The following CCDC34 variants were observed in gnomAD, a reference collection of about 807,000 sequenced individuals.
The protein encoded by CCDC34 is coiled-coil domain containing 34.
CCDC34 carries 40 observed loss-of-function variants against 44.1 expected under a neutral mutation model. The observed-to-expected ratio is 0.91, with a 90% CI of 0.70 to 1.18. CCDC34 has a LOEUF of 1.18. Ranked by LOEUF, CCDC34 falls within the 50% of genes most tolerant of loss-of-function variation. CCDC34 has a pLI of 0.00. For synonymous variants in CCDC34, 159 were observed against 158.2 expected, an observed-to-expected ratio of 1.01 and a Z score of -0.04; for missense variants, 466 against 452.3, an observed-to-expected ratio of 1.03 and a Z score of -0.28.
chr11:27,358,704 T>C (rs372581360), intron 1 of CCDC34, among the ~76,000 whole-genome samples: 1 of 152,132 alleles, frequency 6.6e-6, no homozygotes, highest in East Asian at 1.9e-4. Flanking sequence ...GATGTCTATA[T>C]CAGTAATTCC....
intron 3 of CCDC34, 189 bp downstream of exon 3, chr11:27,350,143 G>C: frequency 6.9e-7 from 1 of 1,459,388 alleles, no homozygotes; most frequent in South Asian, 1.6e-5. Context: ...AGGGAAAAAG[G>C]AGAAAAGTAG....
At chr11:27,349,301 A>G (rs1862473945) in intron 3 of CCDC34, 2 of 920,802 alleles carry the variant, frequency 2.2e-6, no homozygotes, top group African/African-American at 1.8e-5. Flanking sequence ...CATGGGATGA[A>G]GTAAACTTTT....
At chr11:27,343,198 C>T (rs1300835438) in intron 3 of CCDC34, among the ~76,000 whole-genome samples, 2 of 152,002 alleles carry the variant, frequency 1.3e-5, no homozygotes, top group Non-Finnish European at 2.9e-5. Context: ...GTCAGGAGTT[C>T]GAGACCAGGC....
At chr11:27,340,262 C>T (rs1232213448) in intron 5 of CCDC34, among the ~76,000 whole-genome samples, 2 of 152,080 alleles carry the variant, frequency 1.3e-5, no homozygotes, top group Non-Finnish European at 2.9e-5. Flanking sequence ...AAAGGCCAAT[C>T]GGTTTTGTGT....
chr11:27,338,706 T>C lies in CCDC34; in HGVS notation c.*115A>G. 1 of 858,904 alleles carries C rather than the reference T, an allele frequency of 1.2e-6. No individual in the cohort carries two copies. Among genetic ancestry groups the C allele is most frequent in the Non-Finnish European group, 1.8e-6 (1 of 550,342 alleles). 53.2% of individuals were successfully genotyped at this position (858,904 alleles called of 1,614,324 possible). A position where few individuals can be genotyped will look rare whatever the true frequency, so the allele number is the denominator to read the frequency against. Reference sequence around the variant, plus strand: ...AGGACTCCATATACAAATGCAAAAATTGCTATTTGTCAATAATCACATTAA... The same window carrying C: ...AGGACTCCATATACAAATGCAAAAACTGCTATTTGTCAATAATCACATTAA... On this transcript the variant is annotated 3_prime_UTR_variant, in exon 6 of 6. Transcript: ENST00000328697.
chr11:27,354,351 A>G (rs1397046190), intron 2 of CCDC34, among the ~76,000 whole-genome samples: 1 of 152,210 alleles, frequency 6.6e-6, no homozygotes, highest in Non-Finnish European at 1.5e-5. Context: ...TCTGTTCTCA[A>G]AACAAATCTT....
intron 3 of CCDC34, 200 bp downstream of exon 3, chr11:27,350,132 G>A: frequency 6.9e-7 from 1 of 1,442,716 alleles, no homozygotes; most frequent in Non-Finnish European, 9.1e-7. Context: ...CAAGCCACAG[G>A]AGGGAAAAAG....
At chr11:27,354,866 G>T (rs987806106) in intron 2 of CCDC34, among the ~76,000 whole-genome samples, 5 of 151,960 alleles carry the variant, frequency 3.3e-5, no homozygotes, top group Non-Finnish European at 7.4e-5. Context: ...CTCAAAAAAC[G>T]AAAACAAAAC....
chr11:27,352,077 A>C (rs957604399), intron 2 of CCDC34, among the ~76,000 whole-genome samples: 2 of 152,150 alleles, frequency 1.3e-5, no homozygotes, highest in Non-Finnish European at 2.9e-5. Flanking sequence ...ATGAGTTATA[A>C]GAAAAAGAAG....
At position 27,338,587 on chromosome 11, in the gene CCDC34, A is replaced by C. The variant is rs1357868223; in HGVS notation, c.*234T>G. 1.3e-5 allele frequency: 6 copies of C among 470,270 alleles called. No homozygotes were observed. Among genetic ancestry groups the C allele is most frequent in the Non-Finnish European group, 1.1e-5 (3 of 269,230 alleles). The allele number at this position is 470,270 out of a possible 1,614,324, so 29.1% of individuals were successfully genotyped here. On this transcript the variant is annotated 3_prime_UTR_variant, in exon 6 of 6. Transcript: ENST00000328697. ...AGCTAAATACAAACACAATTCTTACATATTCAGCCACTTATTCTGCAAAAC... is the reference window on the plus strand; with the variant it reads ...AGCTAAATACAAACACAATTCTTACCTATTCAGCCACTTATTCTGCAAAAC...
In CCDC34 at chr11:27,350,398, T is replaced by G. The variant is rs1307934449; in HGVS notation, c.540A>C (p.Glu180Asp). 2 of 1,611,106 alleles carry G rather than the reference T, an allele frequency of 1.2e-6. No individual in the cohort carries two copies. Among genetic ancestry groups the G allele is most frequent in the African/African-American group, 2.7e-5 (2 of 74,772 alleles). ...QQLEKRKEME[E>D]REKRKIIAEE... ...CAGCAATTATCTTTCTTTTTTCACG[T>G]TCTTCCATTTCTTTTCTTTTTTCTA... The change falls in exon 3 of 6, where the codon GAA becomes GAC. Residue 180 changes from glutamate (E) to aspartate (D), a missense_variant. Physicochemically the swap from Glu to Asp is conservative, Grantham distance 45 (BLOSUM62 2). Transcript: ENST00000328697.
chr11:27,355,322 T>G (rs1825182409), intron 2 of CCDC34, among the ~76,000 whole-genome samples: 1 of 152,154 alleles, frequency 6.6e-6, no homozygotes, highest in Non-Finnish European at 1.5e-5. Flanking sequence ...TACATATGTA[T>G]AAATACATAT....
chr11:27,362,734 C>T (rs914870216), intron 1 of CCDC34, 102 bp downstream of exon 1: 1 of 1,382,538 alleles, frequency 7.2e-7, no homozygotes, highest in South Asian at 1.4e-5. Context: ...AGTGCCTGCT[C>T]TGCCTTTGGG....
intron 2 of CCDC34, among the ~76,000 whole-genome samples, chr11:27,352,111 A>T (rs1282445027): frequency 3.3e-5 from 5 of 152,182 alleles, no homozygotes; most frequent in African/African-American, 1.2e-4. Context: ...GGCCAGGCGC[A>T]GTGGCTCATG....
intron 3 of CCDC34, among the ~76,000 whole-genome samples, chr11:27,342,766 A>G (rs1471581994): frequency 2.0e-5 from 3 of 151,778 alleles, no homozygotes; most frequent in African/African-American, 7.3e-5. Context: ...CCCTTTATAG[A>G]AAAAAAAATA....
intron 2 of CCDC34, among the ~76,000 whole-genome samples, chr11:27,352,389 A>AAAAAAGG (rs528343112): frequency 1.3e-5 from 2 of 151,292 alleles, no homozygotes; most frequent in African/African-American, 2.4e-5. Flanking sequence ...TCTCAAAAAA[A>AAAAAAGG]AAAAGGAAAA....
chr11:27,345,557 C>T (rs1404155135), intron 3 of CCDC34, among the ~76,000 whole-genome samples: 5 of 152,058 alleles, frequency 3.3e-5, no homozygotes, highest in Admixed American at 2.6e-4. Context: ...GTCCTTGCGA[C>T]AGTTTGCTGA....
At chr11:27,349,409 T>C in intron 3 of CCDC34, 2 of 826,796 alleles carry the variant, frequency 2.4e-6, no homozygotes, top group African/African-American at 1.8e-5. Flanking sequence ...AAGAAGGTTA[T>C]ATCATCTTCA....
chr11:27,356,819 T>G lies in CCDC34; in HGVS notation c.498+584A>C, dbSNP rs548521295. On this transcript the variant is annotated intron_variant, in intron 2 of 5. Coordinates refer to ENST00000328697, the MANE Select transcript of CCDC34 (RefSeq NM_030771.2). ...CACCCTGAAAGACTAGCAAGCAGTT[T>G]CCCACCGCCCAGCACATAGGGCACA... is the stretch of plus-strand genomic sequence containing the variant. 4.1e-5 allele frequency among the ~76,000 whole-genome samples: 6 copies of G among 147,394 alleles called. No homozygotes were observed. In the East Asian group the frequency reaches 1.2e-3, roughly 30 times the overall value.
Sources: gnomAD v4.1 joint callset for allele counts (sites outside exome capture counted in the v4.1 genomes callset) on GRCh38, gnomAD v4.1.1 for gene constraint, MANE v1.5 for transcripts, NCBI Gene and HGNC (gene_info 2026-07-23, HGNC 2026-07-21) for gene names.